FRMD4A: variants seen among roughly 807,000 people sequenced by gnomAD.
FRMD4A encodes the protein FERM domain-containing protein 4A.
FRMD4A carries 29 observed loss-of-function variants against 129.1 expected under a neutral mutation model. The ratio of observed to expected loss-of-function variants is 0.22; its 90% CI spans 0.17 to 0.31. The LOEUF (loss-of-function observed/expected upper bound fraction) is 0.31, where lower values mean the gene tolerates loss of function less well. FRMD4A is among the 10% of genes least tolerant of loss of function. The pLI, the probability that FRMD4A is intolerant of heterozygous loss-of-function variation, is 1.00. For synonymous variants in FRMD4A, 634 were observed against 571.6 expected (o/e 1.11, Z -1.56); for missense variants, 1,272 against 1,375.8 (o/e 0.92, Z 1.19).
intron 2 of FRMD4A, among the ~76,000 whole-genome samples, chr10:14,183,318 C>G (rs1841972409): frequency 6.6e-6 from 1 of 152,200 alleles, no homozygotes; most frequent in Non-Finnish European, 1.5e-5. Context: ...ATTTAGAAAT[C>G]TGCAGGAAAT....
intron 9 of FRMD4A, among the ~76,000 whole-genome samples, chr10:13,745,486 G>A (rs1248145150): frequency 2.6e-5 from 4 of 152,172 alleles, no homozygotes; most frequent in African/African-American, 7.2e-5. Flanking sequence ...TGGCCTGGTC[G>A]TGATGGTATG....
chr10:14,203,365 T>C (rs1842694179), intron 2 of FRMD4A, among the ~76,000 whole-genome samples: 2 of 152,206 alleles, frequency 1.3e-5, no homozygotes, highest in African/African-American at 4.8e-5. Flanking sequence ...TTTACATCGC[T>C]GTTTTGCAGT....
chr10:13,787,488 G>T (rs1470255019), intron 5 of FRMD4A, among the ~76,000 whole-genome samples: 1 of 152,182 alleles, frequency 6.6e-6, no homozygotes, highest in African/African-American at 2.4e-5. Context: ...TTGAGATGGG[G>T]TCTTGCTCTG....
At chr10:13,750,085 A>AAAGAAAGG (rs2091512649) in intron 8 of FRMD4A, among the ~76,000 whole-genome samples, 1 of 81,098 alleles carries the variant, frequency 1.2e-5, no homozygotes. Context: ...AGAAAGAAAG[A>AAAGAAAGG]AAGAAAGAAA....
intron 2 of FRMD4A, among the ~76,000 whole-genome samples, chr10:14,270,646 T>C (rs926896194): frequency 1.3e-5 from 2 of 152,224 alleles, no homozygotes; most frequent in African/African-American, 2.4e-5. Context: ...GGTGCCATTA[T>C]GACAACTGTT....
chr10:14,245,127 C>T (rs998828152), intron 2 of FRMD4A, among the ~76,000 whole-genome samples: 2 of 152,166 alleles, frequency 1.3e-5, no homozygotes, highest in Non-Finnish European at 2.9e-5. Flanking sequence ...TGCTCATGGA[C>T]ATTGCACAAC....
chr10:13,696,171 G>A (rs969909064), intron 14 of FRMD4A, among the ~76,000 whole-genome samples: 1 of 152,208 alleles, frequency 6.6e-6, no homozygotes, highest in Non-Finnish European at 1.5e-5. Context: ...CTGGCTGCCA[G>A]GCCCTCGAAG....
intron 13 of FRMD4A, 50 bp downstream of exon 13, chr10:13,706,987 C>A: frequency 1.1e-6 from 1 of 951,060 alleles, no homozygotes; most frequent in Non-Finnish European, 1.7e-6. Context: ...CCATAACACG[C>A]CCGGCCGAGA....
In FRMD4A at chr10:13,810,985, AT is replaced by A; in HGVS notation, c.112-78del. On this transcript the variant is annotated intron_variant, in intron 3 of 24. Transcript: ENST00000357447. ...CTAAAATATGCAATCTCAGGTTTCC[AT>A]AATTTTTTCAATGAAATGTCACAAA... 6 of 723,600 alleles carry A rather than the reference AT, an allele frequency of 8.3e-6. No homozygotes were observed. The South Asian group carries it at 1.0e-4, about 12-fold the overall frequency. The allele number at this position is 723,600 out of a possible 1,614,324, so 44.8% of individuals were successfully genotyped here.
intron 12 of FRMD4A, among the ~76,000 whole-genome samples, chr10:13,708,901 C>T (rs1328206423): frequency 1.3e-5 from 2 of 152,218 alleles, no homozygotes; most frequent in African/African-American, 4.8e-5. Context: ...GGGCAGTACA[C>T]TGAGCAAAGC....
chr10:13,955,803 C>T (rs1436447566), intron 2 of FRMD4A, among the ~76,000 whole-genome samples: 1 of 152,154 alleles, frequency 6.6e-6, no homozygotes, highest in Non-Finnish European at 1.5e-5. Flanking sequence ...TCCAGAAAAG[C>T]ACAATGAAAA....
chr10:14,182,913 G>A (rs948150349), intron 2 of FRMD4A, among the ~76,000 whole-genome samples: 1 of 152,200 alleles, frequency 6.6e-6, no homozygotes, highest in Non-Finnish European at 1.5e-5. Flanking sequence ...TGGGATTGTT[G>A]ATTAGGCTGC....
At chr10:13,808,121 A>C (rs145082324) in intron 4 of FRMD4A, among the ~76,000 whole-genome samples, 103 of 152,346 alleles carry the variant, frequency 6.8e-4, no homozygotes, top group Middle Eastern at 3.4e-3. Flanking sequence ...TTCTACTCTC[A>C]GGAACAATCA....
chr10:14,174,898 T>C (rs1378358413), intron 2 of FRMD4A, among the ~76,000 whole-genome samples: 1 of 150,522 alleles, frequency 6.6e-6, no homozygotes. Context: ...TGTGTGTGTG[T>C]GTGTGTGTGT....
intron 2 of FRMD4A, among the ~76,000 whole-genome samples, chr10:14,078,255 C>A (rs1241672983): frequency 6.6e-6 from 1 of 152,156 alleles, no homozygotes; most frequent in African/African-American, 2.4e-5. Flanking sequence ...TTTTGGAATT[C>A]CAAGTAGGAG....
intron 3 of FRMD4A, among the ~76,000 whole-genome samples, chr10:13,824,894 CAAAAAAAAAAA>C (rs1165591899): frequency 1.8e-5 from 1 of 54,834 alleles, no homozygotes; most frequent in Non-Finnish European, 3.9e-5. Context: ...GACTCTGTCT[CAAAAAAAAAAA>C]AAAAAAAAAA....
chr10:13,839,174 G>C (rs944354061), intron 3 of FRMD4A, among the ~76,000 whole-genome samples: 1 of 151,314 alleles, frequency 6.6e-6, no homozygotes, highest in Non-Finnish European at 1.5e-5. Flanking sequence ...TAAAATTTTT[G>C]TTTGTTTGTT....
At chr10:14,045,987 C>A (rs11258823) in intron 2 of FRMD4A, among the ~76,000 whole-genome samples, 15,279 of 148,734 alleles carry the variant, frequency 0.1, 823 homozygotes, top group Non-Finnish European at 0.12. Flanking sequence ...ACATATTATT[C>A]AATGTTATAC....
chr10:14,324,651 CTATT>C (rs10562916), intron 2 of FRMD4A, among the ~76,000 whole-genome samples: 49,737 of 151,120 alleles, frequency 0.33, 8,435 homozygotes, highest in African/African-American at 0.39. Context: ...TATCTTAATG[CTATT>C]TATTTATTTA....
Sources: allele counts gnomAD v4.1 joint callset (sites outside exome capture counted in the v4.1 genomes callset), GRCh38; gene constraint gnomAD v4.1.1; transcripts MANE v1.5; gene names NCBI Gene and HGNC (gene_info 2026-07-23, HGNC 2026-07-21).